Variants in EEPD1 observed in about 807,000 individuals in gnomAD.
EEPD1 encodes the protein endonuclease/exonuclease/phosphatase family domain containing 1, also known as endonuclease/exonuclease/phosphatase family domain-containing protein 1.
In EEPD1, 17 loss-of-function variants were observed where a neutral mutation model predicts 46.3. The observed-to-expected ratio is 0.37, with a 90% CI of 0.25 to 0.55. The LOEUF (loss-of-function observed/expected upper bound fraction) is 0.55, where lower values mean the gene tolerates loss of function less well. Among genes scored for constraint, EEPD1 ranks in the 20% least tolerant of loss-of-function variants. The pLI, the probability that EEPD1 is intolerant of heterozygous loss-of-function variation, is 0.83. For synonymous variants in EEPD1, 313 were observed against 315.6 expected, an observed-to-expected ratio of 0.99 and a Z score of 0.09; for missense variants, 673 against 745.6, an observed-to-expected ratio of 0.90 and a Z score of 1.13.
At chr7:36,271,951 G>C (rs763116707) in intron 3 of EEPD1, among the ~76,000 whole-genome samples, 1 of 151,122 alleles carries the variant, frequency 6.6e-6, no homozygotes, top group Admixed American at 6.6e-5. Context: ...GCACAATCTC[G>C]GCCCACTGCA....
At chr7:36,268,032 G>C (rs917736822) in intron 3 of EEPD1, among the ~76,000 whole-genome samples, 3 of 152,220 alleles carry the variant, frequency 2.0e-5, no homozygotes, top group Non-Finnish European at 4.4e-5. Flanking sequence ...TTCCAGAACT[G>C]TGAGAAGTAA....
At chr7:36,253,533 G>C (rs990175614) in intron 3 of EEPD1, among the ~76,000 whole-genome samples, 1 of 152,218 alleles carries the variant, frequency 6.6e-6, no homozygotes, top group East Asian at 1.9e-4. Flanking sequence ...TTCTGTTATT[G>C]AAAGTGGGTA....
chr7:36,283,355 A>G (rs1787290412), intron 4 of EEPD1, among the ~76,000 whole-genome samples: 1 of 152,128 alleles, frequency 6.6e-6, no homozygotes, highest in Non-Finnish European at 1.5e-5. Context: ...CAGAGGAAGG[A>G]GTAGGCCCCA....
chr7:36,255,421 C>T (rs1196360756), intron 3 of EEPD1, among the ~76,000 whole-genome samples: 1 of 152,130 alleles, frequency 6.6e-6, no homozygotes, highest in East Asian at 1.9e-4. Context: ...TTGTTTTTGT[C>T]AGGTTTGTCA....
At chr7:36,172,977 A>G (rs1785115163) in intron 2 of EEPD1, among the ~76,000 whole-genome samples, 1 of 152,150 alleles carries the variant, frequency 6.6e-6, no homozygotes, top group Non-Finnish European at 1.5e-5. Flanking sequence ...ACCTCCAGGT[A>G]GATAGTATAG....
chr7:36,172,466 G>C (rs949241970), intron 2 of EEPD1, among the ~76,000 whole-genome samples: 1 of 152,112 alleles, frequency 6.6e-6, no homozygotes, highest in African/African-American at 2.4e-5. Flanking sequence ...CCCTTCTGCC[G>C]TACCTTGCCC....
At chr7:36,190,291 G>C (rs992223836) in intron 2 of EEPD1, among the ~76,000 whole-genome samples, 8 of 149,734 alleles carry the variant, frequency 5.3e-5, no homozygotes, top group African/African-American at 1.7e-4. Context: ...AGAATCACTT[G>C]AATGCAGGAG....
At chr7:36,160,620 G>C (rs1474434825) in intron 2 of EEPD1, among the ~76,000 whole-genome samples, 3 of 149,278 alleles carry the variant, frequency 2.0e-5, no homozygotes, top group Non-Finnish European at 4.4e-5. Flanking sequence ...CAGAAGGTTA[G>C]AAGCAGAGGC....
intron 3 of EEPD1, among the ~76,000 whole-genome samples, chr7:36,254,910 T>C (rs914275889): frequency 2.0e-5 from 3 of 152,250 alleles, no homozygotes; most frequent in African/African-American, 7.2e-5. Context: ...TTTTTTCATA[T>C]GTTTTTTGGC....
In EEPD1 at chr7:36,293,251, A is replaced by G. The variant is rs73326696; in HGVS notation, c.1316-3742A>G. On this transcript the variant is annotated intron_variant, in intron 6 of 7. Coordinates refer to ENST00000242108, the MANE Select transcript of EEPD1 (RefSeq NM_030636.3). ...GAAGAATTTTTTTAATAAATACTTC[A>G]ATCAATGGAGAAACATGGCAAAGTG... Among the ~76,000 whole-genome samples, 1,453 of 152,348 alleles carry G rather than the reference A, an allele frequency of 9.5e-3. 28 individuals are homozygous for G. The highest frequency in any genetic ancestry group is 0.033 in the African/African-American group (1,359 of 41,566).
In EEPD1 at chr7:36,154,709, A is replaced by G; in HGVS notation, c.385A>G (p.Thr129Ala). ...LAEQQPHHLA[T>A]AVPLTPRVNI... Reference sequence around the variant, plus strand: ...GGAGCAGCAGCCTCACCACCTGGCCACAGCTGTGCCCCTCACCCCACGTGT... The same window carrying G: ...GGAGCAGCAGCCTCACCACCTGGCCGCAGCTGTGCCCCTCACCCCACGTGT... The change falls in exon 2 of 8, where the codon ACA (threonine) becomes GCA (alanine). Residue 129 changes from threonine to alanine, a missense_variant. Coordinates refer to ENST00000242108, the MANE Select transcript of EEPD1 (RefSeq NM_030636.3). The surrounding 1 kb of genome is among the most constrained non-coding windows in gnomAD (Gnocchi z 4.2). The G allele has an allele frequency of 6.2e-7, 1 of 1,613,888 alleles. No individual in the cohort carries two copies. Among genetic ancestry groups the G allele is most frequent in the Non-Finnish European group, 8.5e-7 (1 of 1,179,988 alleles).
chr7:36,234,543 G>A (rs539024051), intron 2 of EEPD1, among the ~76,000 whole-genome samples: 26 of 152,016 alleles, frequency 1.7e-4, no homozygotes, highest in Admixed American at 1.3e-3. Flanking sequence ...GTGGTGGCGT[G>A]CGCCTGCAGT....
rs1218823992 is a variant in EEPD1, at chr7:36,193,499, G to A, written c.878+38297G>A. 1.3e-5 allele frequency among the ~76,000 whole-genome samples: 2 copies of A among 152,158 alleles called. No individual in the cohort carries two copies. Among genetic ancestry groups the A allele is most frequent in the Non-Finnish European group, 2.9e-5 (2 of 68,022 alleles). ...GCGGTCCCCTGAAGGCAGAGGCAGA[G>A]GGAGGCCATGGGAAGCACCCAGGGC... On this transcript the variant is annotated intron_variant, in intron 2 of 7. Coordinates refer to ENST00000242108, the MANE Select transcript of EEPD1 (RefSeq NM_030636.3). The surrounding 1 kb of genome is among the most constrained non-coding windows in gnomAD (Gnocchi z 4.9).
At chr7:36,194,215 C>G (rs947574261) in intron 2 of EEPD1, among the ~76,000 whole-genome samples, 1 of 152,166 alleles carries the variant, frequency 6.6e-6, no homozygotes, top group East Asian at 1.9e-4. Context: ...GGCACATCCC[C>G]CAGGCCCTGA....
chr7:36,219,806 A>AGAGAGTGT (rs1341203087), intron 2 of EEPD1, among the ~76,000 whole-genome samples: 12 of 75,438 alleles, frequency 1.6e-4, no homozygotes, highest in East Asian at 4.4e-4. Context: ...AGAGAGAGAG[A>AGAGAGTGT]GTGTGTGTGT....
chr7:36,277,738 G>T (rs1174846333), intron 3 of EEPD1, among the ~76,000 whole-genome samples: 1 of 152,174 alleles, frequency 6.6e-6, no homozygotes, highest in African/African-American at 2.4e-5. Flanking sequence ...TAGAATGCTT[G>T]TAGCCATAAA....
intron 3 of EEPD1, among the ~76,000 whole-genome samples, chr7:36,261,982 T>A (rs1786932334): frequency 6.6e-6 from 1 of 152,224 alleles, no homozygotes; most frequent in South Asian, 2.1e-4. Flanking sequence ...GCATCCAACC[T>A]TGTTTCAGAA....
intron 2 of EEPD1, among the ~76,000 whole-genome samples, chr7:36,174,283 C>T (rs1785140364): frequency 6.6e-6 from 1 of 152,232 alleles, no homozygotes; most frequent in Non-Finnish European, 1.5e-5. Context: ...CTGTTTCTTG[C>T]AATTAAGAAT....
At chr7:36,236,231 G>A (rs972465425) in intron 2 of EEPD1, among the ~76,000 whole-genome samples, 2 of 152,210 alleles carry the variant, frequency 1.3e-5, no homozygotes, top group Admixed American at 6.5e-5. Flanking sequence ...CGCTGTGAGG[G>A]CCCCTCTCTG....
Sources: gnomAD v4.1 joint callset for allele counts (sites outside exome capture counted in the v4.1 genomes callset) on GRCh38, gnomAD v4.1.1 for gene constraint, Gnocchi (gnomAD v3.1) non-coding constraint, MANE v1.5 for transcripts, NCBI Gene and HGNC (gene_info 2026-07-23, HGNC 2026-07-21) for gene names.